PACSIN1: variants seen among roughly 807,000 people sequenced by gnomAD.
PACSIN1 encodes the protein protein kinase C and casein kinase substrate in neurons 1, also known as protein kinase C and casein kinase substrate in neurons protein 1.
PACSIN1 carries 15 observed loss-of-function variants against 59.5 expected under a neutral mutation model. The observed-to-expected ratio is 0.25, with a 90% CI of 0.17 to 0.39. PACSIN1 has a LOEUF of 0.39. PACSIN1 is among the 10% of genes least tolerant of loss of function. PACSIN1 has a pLI of 1.00. For synonymous variants in PACSIN1, 210 were observed against 220.6 expected (o/e 0.95, Z 0.42); for missense variants, 420 against 580.2 (o/e 0.72, Z 2.84).
chr6:34,467,553 C>CTTTTTTTTTT (rs61324041), intron 1 of PACSIN1, among the ~76,000 whole-genome samples: 1 of 90,794 alleles, frequency 1.1e-5, no homozygotes, highest in Non-Finnish European at 2.0e-5. Flanking sequence ...TAGGCCCTTC[C>CTTTTTTTTTT]TTTTTTTTTT....
chr6:34,469,899 G>A (rs902883536), intron 1 of PACSIN1, among the ~76,000 whole-genome samples: 2 of 152,202 alleles, frequency 1.3e-5, no homozygotes, highest in African/African-American at 2.4e-5. Flanking sequence ...TGCTGGTGCC[G>A]TTTCCAGAAA....
Position 34,518,624 on chromosome 6 carries a change from A to G in PACSIN1, c.-63-7619A>G, listed in dbSNP as rs1283999802. Among the ~76,000 whole-genome samples, 1 of 152,188 alleles carries G rather than the reference A, an allele frequency of 6.6e-6. No homozygotes were observed. Among genetic ancestry groups the G allele is most frequent in the Non-Finnish European group, 1.5e-5 (1 of 68,036 alleles). On this transcript the variant is annotated intron_variant, in intron 1 of 9. Coordinates refer to ENST00000244458, the MANE Select transcript of PACSIN1 (RefSeq NM_020804.5). This position sits in a 1 kb window ranked among gnomAD's most constrained non-coding sequence, Gnocchi z 4.4. ...AGCAAGTTACCACTGCGGGCAATTC[A>G]GCTCACTCCCGCTGGAGAGCTCTGG...
chr6:34,476,769 G>A (rs1487926977), intron 1 of PACSIN1, among the ~76,000 whole-genome samples: 3 of 152,214 alleles, frequency 2.0e-5, no homozygotes, highest in Non-Finnish European at 2.9e-5. Context: ...TGGCTTGGGG[G>A]CCCCTGGACA....
At chr6:34,491,753 A>C (rs888526509) in intron 1 of PACSIN1, among the ~76,000 whole-genome samples, 1 of 151,924 alleles carries the variant, frequency 6.6e-6, no homozygotes, top group Non-Finnish European at 1.5e-5. Context: ...CTGGGATTAC[A>C]GGCACCCGCC....
Position 34,532,606 on chromosome 6 carries a change from C to A in PACSIN1, c.*76C>A. On this transcript the variant is annotated 3_prime_UTR_variant, in exon 10 of 10. Transcript: ENST00000244458. This position sits in a 1 kb window ranked among gnomAD's most constrained non-coding sequence, Gnocchi z 5.2. ...CCTCCCACTCTCGTCTCCTTCCCCTCGCCATAGAGTTCCAGACATATTTTC... is the reference window on the plus strand; with the variant it reads ...CCTCCCACTCTCGTCTCCTTCCCCTAGCCATAGAGTTCCAGACATATTTTC... The A allele has an allele frequency of 2.6e-6, 2 of 766,958 alleles. No individual in the cohort carries two copies. The highest frequency in any genetic ancestry group is 4.3e-6 in the Non-Finnish European group (2 of 464,050). 47.5% of individuals were successfully genotyped at this position (766,958 alleles called of 1,614,324 possible).
Position 34,526,285 on chromosome 6 carries a change from C to A in PACSIN1, c.-21C>A. Reference sequence around the variant, plus strand: ...CTGCTAACCGCAGCTCCGCACTTGTCCATCCCCCTGCGGCTACACCATGTC... The same window carrying A: ...CTGCTAACCGCAGCTCCGCACTTGTACATCCCCCTGCGGCTACACCATGTC... On this transcript the variant is annotated 5_prime_UTR_variant, in exon 2 of 10. Coordinates refer to ENST00000244458, the MANE Select transcript of PACSIN1 (RefSeq NM_020804.5). 6.2e-7 allele frequency: 1 copy of A among 1,608,894 alleles called. No homozygotes were observed.
rs754790820 is a variant in PACSIN1 at position 34,525,772 on chromosome 6, T to C, written c.-63-471T>C. On this transcript the variant is annotated intron_variant, in intron 1 of 9. Transcript: ENST00000244458. The surrounding 1 kb of genome is among the most constrained non-coding windows in gnomAD (Gnocchi z 4.9). The stretch of plus-strand genomic sequence containing the variant: ...GACACAGCCACCCCAGACGCTCCCA[T>C]AGATCTCGGTGGTGTGACCTGTGGG... Among the ~76,000 whole-genome samples, 42 of 152,024 alleles carry C rather than the reference T, an allele frequency of 2.8e-4. No individual in the cohort carries two copies. The highest frequency in any genetic ancestry group is 5.1e-4 in the Non-Finnish European group (35 of 67,998).
Position 34,530,574 on chromosome 6 carries a change from G to T in PACSIN1, c.1024G>T (p.Gly342Trp). ...GGCGGTAGAGTCCACATCCCAGGCT[G>T]GGGACCGCGGCAGGTGAGTGCCTCC... ...TGAVESTSQA[G>W]DRGSVSSYDR... Residue 342 changes from glycine to tryptophan, a missense_variant, in exon 8 of 10, where the codon GGG (glycine) becomes TGG (tryptophan). By Grantham distance (184) the Gly-to-Trp change is radical (BLOSUM62 -2). Coordinates refer to ENST00000244458, the MANE Select transcript of PACSIN1 (RefSeq NM_020804.5). The surrounding 1 kb of genome is among the most constrained non-coding windows in gnomAD (Gnocchi z 4.4). 1 of 1,582,740 alleles carries T rather than the reference G, an allele frequency of 6.3e-7. No individual in the cohort carries two copies. The highest frequency in any genetic ancestry group is 8.6e-7 in the Non-Finnish European group (1 of 1,164,230).
rs1384265339 is a variant in PACSIN1 at position 34,514,858 on chromosome 6, G to A, written c.-63-11385G>A. 6.6e-6 allele frequency: 1 copy of A among 152,486 alleles called. No individual in the cohort carries two copies. Among genetic ancestry groups the A allele is most frequent in the Non-Finnish European group, 1.5e-5 (1 of 68,238 alleles). The allele number at this position is 152,486 out of a possible 1,614,324, so 9.4% of individuals were successfully genotyped here. On this transcript the variant is annotated intron_variant, in intron 1 of 9. Coordinates refer to ENST00000244458, the MANE Select transcript of PACSIN1 (RefSeq NM_020804.5). This position sits in a 1 kb window ranked among gnomAD's most constrained non-coding sequence, Gnocchi z 4.4. ...AGTGGGGAGGAGGCAGCGGTGGAGGGAGCTGGCTCCTGCAGTTCTGGCGCT... is the reference window on the plus strand; with the variant it reads ...AGTGGGGAGGAGGCAGCGGTGGAGGAAGCTGGCTCCTGCAGTTCTGGCGCT...
chr6:34,494,113 TC>T (rs1766915289), intron 1 of PACSIN1, among the ~76,000 whole-genome samples: 1 of 152,188 alleles, frequency 6.6e-6, no homozygotes, highest in Admixed American at 6.5e-5. Context: ...AGCTGTAGAT[TC>T]CAAGTCTGGG....
chr6:34,503,679 C>T (rs570694778), intron 1 of PACSIN1, among the ~76,000 whole-genome samples: 2 of 152,294 alleles, frequency 1.3e-5, no homozygotes, highest in African/African-American at 2.4e-5. Flanking sequence ...TGCCCTGAAT[C>T]GACCCTTTGC....
chr6:34,472,290 AAAAAG>A (rs1766582783), intron 1 of PACSIN1, among the ~76,000 whole-genome samples: 1 of 151,532 alleles, frequency 6.6e-6, no homozygotes, highest in African/African-American at 2.4e-5. Flanking sequence ...AAAAAAAAAA[AAAAAG>A]AACAATGTGT....
rs1169704010 is a variant in PACSIN1, at chr6:34,529,169, C to T, written c.457-228C>T. ...CCAGATGGGGCGGGCACTGCACTGC[C>T]TGACAGGAGGGTATCTGCAGGGGAG... On this transcript the variant is annotated intron_variant, in intron 4 of 9. Coordinates refer to ENST00000244458, the MANE Select transcript of PACSIN1 (RefSeq NM_020804.5). This position sits in a 1 kb window ranked among gnomAD's most constrained non-coding sequence, Gnocchi z 6.3. 6.6e-6 allele frequency among the ~76,000 whole-genome samples: 1 copy of T among 152,090 alleles called. No individual in the cohort carries two copies. The highest frequency in any genetic ancestry group is 1.5e-5 in the Non-Finnish European group (1 of 68,018).
rs1321175511 is a variant in PACSIN1, at chr6:34,516,792, A to G, written c.-63-9451A>G. Among the ~76,000 whole-genome samples, 1 of 152,154 alleles carries G rather than the reference A, an allele frequency of 6.6e-6. No individual in the cohort carries two copies. The highest frequency in any genetic ancestry group is 1.9e-4 in the East Asian group (1 of 5,176). The stretch of plus-strand genomic sequence containing the variant: ...ATTTCCCTGGCCCAATTCATTGCAC[A>G]CAACGTGCCCACAGCCCAGGGCACC... On this transcript the variant is annotated intron_variant, in intron 1 of 9. Coordinates refer to ENST00000244458, the MANE Select transcript of PACSIN1 (RefSeq NM_020804.5). This position sits in a 1 kb window ranked among gnomAD's most constrained non-coding sequence, Gnocchi z 5.4.
chr6:34,528,434 G>T (rs550953745), intron 3 of PACSIN1, among the ~76,000 whole-genome samples: 124 of 152,376 alleles, frequency 8.1e-4, no homozygotes, highest in African/African-American at 2.7e-3. Context: ...AGCGAGGGCT[G>T]CTGGCCATGG....
intron 1 of PACSIN1, among the ~76,000 whole-genome samples, chr6:34,468,668 C>T (rs1014592972): frequency 6.6e-6 from 1 of 152,224 alleles, no homozygotes; most frequent in African/African-American, 2.4e-5. Context: ...AAATCTCTCA[C>T]CCTCGGGAGT....
chr6:34,484,310 A>G (rs940313808), intron 1 of PACSIN1, among the ~76,000 whole-genome samples: 3 of 152,194 alleles, frequency 2.0e-5, no homozygotes, highest in African/African-American at 7.2e-5. Flanking sequence ...GCAAGGAGGA[A>G]CCTTAAATGC....
Position 34,514,056 on chromosome 6 carries a change from A to C in PACSIN1, c.-63-12187A>C, listed in dbSNP as rs1767246807. Among the ~76,000 whole-genome samples, 1 of 152,194 alleles carries C rather than the reference A, an allele frequency of 6.6e-6. No individual in the cohort carries two copies. Among genetic ancestry groups the C allele is most frequent in the Non-Finnish European group, 1.5e-5 (1 of 68,028 alleles). On this transcript the variant is annotated intron_variant, in intron 1 of 9. Coordinates refer to ENST00000244458, the MANE Select transcript of PACSIN1 (RefSeq NM_020804.5). This position sits in a 1 kb window ranked among gnomAD's most constrained non-coding sequence, Gnocchi z 4.4. ...GTGCGTATGCTGATATTAGTGTCACAGTTACGTGTGTGTGTGTTATAGGTG... is the reference window on the plus strand; with the variant it reads ...GTGCGTATGCTGATATTAGTGTCACCGTTACGTGTGTGTGTGTTATAGGTG...
chr6:34,466,408 G>T, intron 1 of PACSIN1, 138 bp downstream of exon 1: 1 of 152,688 alleles, frequency 6.5e-6, no homozygotes, highest in Non-Finnish European at 1.5e-5. Flanking sequence ...CAGTTGCCTG[G>T]AGAGAAGCGG....
Sources: gnomAD v4.1 joint callset for allele counts (sites outside exome capture counted in the v4.1 genomes callset) on GRCh38, gnomAD v4.1.1 for gene constraint, Gnocchi (gnomAD v3.1) non-coding constraint, MANE v1.5 for transcripts, NCBI Gene and HGNC (gene_info 2026-07-23, HGNC 2026-07-21) for gene names.